Variants in RIMS3 observed in about 807,000 individuals in gnomAD.
RIMS3 encodes regulating synaptic membrane exocytosis 3, also known as regulating synaptic membrane exocytosis protein 3.
A neutral mutation model predicts 29.2 loss-of-function variants in RIMS3; 15 were observed. That is an observed-to-expected ratio of 0.51 (90% confidence interval 0.34 to 0.79). RIMS3 has a LOEUF of 0.79. RIMS3 is among the 30% of genes least tolerant of loss of function. The pLI is 0.01. For synonymous variants in RIMS3, 161 were observed against 170.1 expected, an observed-to-expected ratio of 0.95 and a Z score of 0.41; for missense variants, 342 against 421.4, an observed-to-expected ratio of 0.81 and a Z score of 1.65.
chr1:40,660,437 G>A (rs1017233877), intron 1 of RIMS3, among the ~76,000 whole-genome samples: 2 of 151,380 alleles, frequency 1.3e-5, no homozygotes, highest in African/African-American at 4.9e-5. Context: ...GAGTGCAGTG[G>A]CATGAACATG....
chr1:40,665,873 G>A (rs1253635193), upstream of RIMS3, among the ~76,000 whole-genome samples: 2 of 152,178 alleles, frequency 1.3e-5, no homozygotes, highest in Non-Finnish European at 2.9e-5. Context: ...GTCTGGGGAA[G>A]CCTCATTCCT....
intron 3 of RIMS3, among the ~76,000 whole-genome samples, chr1:40,637,386 G>A (rs1314901148): frequency 6.6e-6 from 1 of 152,126 alleles, no homozygotes; most frequent in Non-Finnish European, 1.5e-5. Context: ...CTGAGAACAG[G>A]GTGCAGGGTG....
At chr1:40,678,379 T>C in the RIMS3 span, among the ~76,000 whole-genome samples, 1 of 152,112 alleles carries the variant, frequency 6.6e-6, no homozygotes, top group African/African-American at 2.4e-5. Context: ...CTGTGCTCCA[T>C]CCTGGGTGAC....
At chr1:40,690,096 T>C in the RIMS3 span, among the ~76,000 whole-genome samples, 2 of 152,226 alleles carry the variant, frequency 1.3e-5, no homozygotes, top group African/African-American at 4.8e-5. Flanking sequence ...TGGAAGGAAA[T>C]AGACTGCAGC....
upstream of RIMS3, among the ~76,000 whole-genome samples, chr1:40,668,496 G>GC (rs1642453332): frequency 7.5e-6 from 1 of 133,210 alleles, no homozygotes; most frequent in Non-Finnish European, 1.6e-5. Context: ...GTGGGCGGGG[G>GC]GGGGGGGGTT....
At chr1:40,672,857 C>T in the RIMS3 span, among the ~76,000 whole-genome samples, 1 of 128,552 alleles carries the variant, frequency 7.8e-6, no homozygotes, top group Non-Finnish European at 1.6e-5. Flanking sequence ...GGGTAAGACC[C>T]CATCTCTGGA....
At chr1:40,683,700 C>A in the RIMS3 span, among the ~76,000 whole-genome samples, 3 of 152,244 alleles carry the variant, frequency 2.0e-5, no homozygotes, top group Non-Finnish European at 4.4e-5. Context: ...GTTGCACTAA[C>A]CATCTTTCAA....
intron 1 of RIMS3, among the ~76,000 whole-genome samples, chr1:40,653,251 A>T (rs568400015): frequency 6.6e-6 from 1 of 152,326 alleles, no homozygotes; most frequent in African/African-American, 2.4e-5. Flanking sequence ...AATGCCCAGA[A>T]GAGAGCAGAG....
intron 5 of RIMS3, among the ~76,000 whole-genome samples, chr1:40,630,518 T>C (rs1406553601): frequency 6.6e-6 from 1 of 152,212 alleles, no homozygotes; most frequent in Non-Finnish European, 1.5e-5. Context: ...ATTGTTTGTA[T>C]TTGTGTACTA....
At chr1:40,659,805 A>C (rs1642325606) in intron 1 of RIMS3, among the ~76,000 whole-genome samples, 1 of 152,168 alleles carries the variant, frequency 6.6e-6, no homozygotes, top group Admixed American at 6.5e-5. Flanking sequence ...GATTGGGGAC[A>C]ACACGTGTGG....
chr1:40,652,282 T>C (rs758352633), intron 1 of RIMS3, among the ~76,000 whole-genome samples: 2 of 152,190 alleles, frequency 1.3e-5, no homozygotes, highest in Admixed American at 6.5e-5. Flanking sequence ...CAAACTGCAA[T>C]GTGCAGGTGA....
rs1335701761 is a variant in RIMS3, at chr1:40,625,160, T to C, written c.*1357A>G. 1 of 152,382 alleles carries C rather than the reference T, an allele frequency of 6.6e-6. No individual in the cohort carries two copies. Among genetic ancestry groups the C allele is most frequent in the Non-Finnish European group, 1.5e-5 (1 of 68,078 alleles). 9.4% of individuals were successfully genotyped at this position (152,382 alleles called of 1,614,324 possible). On this transcript the variant is annotated 3_prime_UTR_variant, in exon 8 of 8. Coordinates refer to ENST00000372684, the MANE Select transcript of RIMS3 (RefSeq NM_014747.3). ...CTGGTCTCCACCAACAGGGCCCAGTTGTCAAATCAAGTCAGGGTTTGAGTG... is the reference window on the plus strand; with the variant it reads ...CTGGTCTCCACCAACAGGGCCCAGTCGTCAAATCAAGTCAGGGTTTGAGTG...
the RIMS3 span, among the ~76,000 whole-genome samples, chr1:40,688,546 A>C: frequency 6.6e-6 from 1 of 152,244 alleles, no homozygotes; most frequent in South Asian, 2.1e-4. Context: ...ACAATGAAAA[A>C]TACAATGATC....
intron 1 of RIMS3, among the ~76,000 whole-genome samples, chr1:40,651,338 G>A (rs757261124): frequency 6.6e-6 from 1 of 152,176 alleles, no homozygotes; most frequent in African/African-American, 2.4e-5. Context: ...GGAGTGACGC[G>A]TCAATGCGCC....
intron 1 of RIMS3, among the ~76,000 whole-genome samples, chr1:40,655,415 C>A (rs1173923057): frequency 2.0e-5 from 3 of 152,172 alleles, no homozygotes; most frequent in Non-Finnish European, 2.9e-5. Flanking sequence ...CATCCAGACA[C>A]CTTATCTCCA....
intron 2 of RIMS3, among the ~76,000 whole-genome samples, chr1:40,645,736 G>T (rs1158156535): frequency 6.6e-6 from 1 of 152,160 alleles, no homozygotes; most frequent in Non-Finnish European, 1.5e-5. Context: ...AGGGAAGGGG[G>T]TAAGGGACAA....
chr1:40,657,176 G>A (rs747039274), intron 1 of RIMS3, among the ~76,000 whole-genome samples: 36 of 149,452 alleles, frequency 2.4e-4, no homozygotes, highest in Non-Finnish European at 4.2e-4. Flanking sequence ...CGTGTCCATA[G>A]TCACAGAGCT....
In RIMS3 at chr1:40,641,916, C is replaced by T. The variant is rs776303440; in HGVS notation, c.10G>A (p.Gly4Arg). The T allele has an allele frequency of 4.8e-5, 77 of 1,613,430 alleles. No homozygotes were observed. Among genetic ancestry groups the T allele is most frequent in the Non-Finnish European group, 6.0e-5 (71 of 1,179,726 alleles). Residue 4 changes from glycine (G) to arginine (R), a missense_variant, in exon 3 of 8, where the codon GGG becomes AGG. By Grantham distance (125) the Gly-to-Arg change is moderately radical. Coordinates refer to ENST00000372684, the MANE Select transcript of RIMS3 (RefSeq NM_014747.3). ...CCAGATGAGGCAGGACCTGGCTCCCCGTTAAACATGGTCCCCGGGGTGGCA... is the reference window on the plus strand; with the variant it reads ...CCAGATGAGGCAGGACCTGGCTCCCTGTTAAACATGGTCCCCGGGGTGGCA... Reference protein sequence around the residue: MFNGEPGPASSGAS... With the variant: MFNREPGPASSGAS...
rs755811716 is a variant in RIMS3 at position 40,624,497 on chromosome 1, C to T, written c.*2020G>A. Reference sequence around the variant, plus strand: ...AGCATTTCCGCCTAAAGAGAAAATTCAGCCCAGTGGCCTCCTCCCCATCTC... The same window carrying T: ...AGCATTTCCGCCTAAAGAGAAAATTTAGCCCAGTGGCCTCCTCCCCATCTC... On this transcript the variant is annotated 3_prime_UTR_variant, in exon 8 of 8. Transcript: ENST00000372684. 6.6e-5 allele frequency: 10 copies of T among 152,214 alleles called. No homozygotes were observed. Among genetic ancestry groups the T allele is most frequent in the Admixed American group, 1.3e-4 (2 of 15,276 alleles). The allele number at this position is 152,214 out of a possible 1,614,324, so 9.4% of individuals were successfully genotyped here.
Sources: allele counts gnomAD v4.1 joint callset (sites outside exome capture counted in the v4.1 genomes callset), GRCh38; gene constraint gnomAD v4.1.1; transcripts MANE v1.5; gene names NCBI Gene and HGNC (gene_info 2026-07-23, HGNC 2026-07-21).